C8orf34: variants seen among roughly 807,000 people sequenced by gnomAD.
The protein encoded by C8orf34 is chromosome 8 open reading frame 34, also known as uncharacterized protein C8orf34.
A neutral mutation model predicts 68.3 loss-of-function variants in C8orf34; 65 were observed. That is an observed-to-expected ratio of 0.95 (90% CI 0.78 to 1.17). The LOEUF is 1.17. Among genes scored for constraint, C8orf34 ranks in the 50% most tolerant of loss-of-function variants. C8orf34 has a pLI of 0.00. For synonymous variants in C8orf34, 244 were observed against 241.2 expected, an observed-to-expected ratio of 1.01 and a Z score of -0.11; for missense variants, 664 against 655.4, an observed-to-expected ratio of 1.01 and a Z score of -0.14.
chr8:68,806,068 A>T (rs1298794998), intron 12 of C8orf34, among the ~76,000 whole-genome samples: 1 of 152,054 alleles, frequency 6.6e-6, no homozygotes, highest in East Asian at 1.9e-4. Flanking sequence ...TCTCATGTCA[A>T]TTGGTCCTTT....
At chr8:68,416,528 T>TATTTATTA in intron 1 of C8orf34, among the ~76,000 whole-genome samples, 1 of 151,106 alleles carries the variant, frequency 6.6e-6, no homozygotes, top group South Asian at 2.1e-4. Context: ...TTTATTTATT[T>TATTTATTA]ATTTATTTAT....
intron 7 of C8orf34, among the ~76,000 whole-genome samples, chr8:68,577,272 C>T (rs1816932844): frequency 6.6e-6 from 1 of 151,888 alleles, no homozygotes. Flanking sequence ...CTGATTCATA[C>T]ATATATTCAA....
chr8:68,573,112 A>T lies in C8orf34; in HGVS notation c.1105+39963A>T, dbSNP rs188723702. On this transcript the variant is annotated intron_variant, in intron 7 of 13. Coordinates refer to ENST00000518698, the MANE Select transcript of C8orf34 (RefSeq NM_052958.4). ...TCTTCATGACCGACTCTAGTTAAAC[A>T]TTGTAGTCTATTGAACATTGATTTT... Among the ~76,000 whole-genome samples the T allele has an allele frequency of 3.9e-5, 6 of 152,176 alleles. 1 individual carries two copies. In the East Asian group the frequency reaches 1.2e-3, roughly 29 times the overall value.
At chr8:68,680,679 C>T (rs1031808308) in intron 8 of C8orf34, among the ~76,000 whole-genome samples, 4 of 152,148 alleles carry the variant, frequency 2.6e-5, no homozygotes, top group African/African-American at 9.7e-5. Flanking sequence ...AAGGGTCCAA[C>T]AAAGATCACA....
chr8:68,642,853 G>C (rs570305717), intron 8 of C8orf34, among the ~76,000 whole-genome samples: 27 of 152,284 alleles, frequency 1.8e-4, no homozygotes, highest in African/African-American at 6.3e-4. Context: ...AGATAGAACT[G>C]TTCCACTTCA....
At chr8:68,737,013 A>G (rs890695837) in intron 10 of C8orf34, among the ~76,000 whole-genome samples, 1 of 152,092 alleles carries the variant, frequency 6.6e-6, no homozygotes, top group African/African-American at 2.4e-5. Flanking sequence ...ATGTTTGAGT[A>G]TGCTGTAATA....
At chr8:68,623,596 G>A (rs1466999592) in intron 7 of C8orf34, among the ~76,000 whole-genome samples, 4 of 152,144 alleles carry the variant, frequency 2.6e-5, no homozygotes, top group African/African-American at 7.2e-5. Flanking sequence ...CCATGGACTG[G>A]GTGGCTTATC....
chr8:68,776,513 C>T, intron 11 of C8orf34, 64 bp downstream of exon 11: 1 of 1,295,824 alleles, frequency 7.7e-7, no homozygotes. Context: ...ATGAAGCACT[C>T]ACTTAGGCTT....
chr8:68,744,327 C>G (rs1444085497), intron 10 of C8orf34, among the ~76,000 whole-genome samples: 1 of 152,172 alleles, frequency 6.6e-6, no homozygotes, highest in African/African-American at 2.4e-5. Flanking sequence ...AGCAGAGCAC[C>G]TCTCCTCCTC....
chr8:68,471,601 C>G (rs1027058498), intron 4 of C8orf34, among the ~76,000 whole-genome samples: 1 of 151,860 alleles, frequency 6.6e-6, no homozygotes, highest in African/African-American at 2.4e-5. Flanking sequence ...ACTTTATTAC[C>G]CATTGTTTTA....
chr8:68,421,150 C>G (rs1052949279), intron 1 of C8orf34, among the ~76,000 whole-genome samples: 1 of 152,148 alleles, frequency 6.6e-6, no homozygotes, highest in East Asian at 1.9e-4. Flanking sequence ...AACTGTGTTT[C>G]AAGTTCTGAA....
chr8:68,486,098 T>C (rs963850770), intron 4 of C8orf34, among the ~76,000 whole-genome samples: 9 of 152,186 alleles, frequency 5.9e-5, no homozygotes, highest in Non-Finnish European at 2.9e-5. Context: ...TGTCCTATCT[T>C]TTCTTAACAT....
At chr8:68,412,584 C>A (rs1282168900) in intron 1 of C8orf34, among the ~76,000 whole-genome samples, 1 of 152,174 alleles carries the variant, frequency 6.6e-6, no homozygotes, top group East Asian at 1.9e-4. Context: ...GCTAATACTA[C>A]ACCTATATTC....
chr8:68,685,878 G>GTAAATAAA (rs57861421), intron 8 of C8orf34, among the ~76,000 whole-genome samples: 18 of 139,216 alleles, frequency 1.3e-4, no homozygotes, highest in East Asian at 4.2e-4. Flanking sequence ...CCCTATCTCA[G>GTAAATAAA]TAAATAAATA....
intron 11 of C8orf34, among the ~76,000 whole-genome samples, chr8:68,778,674 A>C (rs1349246588): frequency 6.6e-6 from 1 of 152,212 alleles, no homozygotes; most frequent in African/African-American, 2.4e-5. Flanking sequence ...TAGCTCTGAT[A>C]GTTAAATTTT....
chr8:68,726,789 T>C (rs890933032), intron 10 of C8orf34, among the ~76,000 whole-genome samples: 2 of 152,116 alleles, frequency 1.3e-5, no homozygotes, highest in African/African-American at 2.4e-5. Context: ...TCAGATCTCA[T>C]GAGACTTGTT....
intron 10 of C8orf34, among the ~76,000 whole-genome samples, chr8:68,734,585 T>G (rs541217101): frequency 6.6e-6 from 1 of 152,330 alleles, no homozygotes; most frequent in African/African-American, 2.4e-5. Flanking sequence ...TCCATTCCTG[T>G]CTTCTGGCCA....
At chr8:68,373,822 A>G (rs971239825) in intron 1 of C8orf34, among the ~76,000 whole-genome samples, 5 of 152,206 alleles carry the variant, frequency 3.3e-5, no homozygotes, top group Admixed American at 1.3e-4. Flanking sequence ...TGGTAACTAC[A>G]TATCACAAGT....
chr8:68,563,497 T>G (rs549029593), intron 7 of C8orf34, among the ~76,000 whole-genome samples: 56 of 152,182 alleles, frequency 3.7e-4, no homozygotes, highest in African/African-American at 1.3e-3. Context: ...AACACAACTT[T>G]TAAAGGGTTT....
Sources: allele counts gnomAD v4.1 joint callset (sites outside exome capture counted in the v4.1 genomes callset), GRCh38; gene constraint gnomAD v4.1.1; transcripts MANE v1.5; gene names NCBI Gene and HGNC (gene_info 2026-07-23, HGNC 2026-07-21).